The following STAB2 variants were observed in gnomAD, a reference collection of about 807,000 sequenced individuals.
STAB2 encodes the protein stabilin-2.
In STAB2, 288 loss-of-function variants were observed where a neutral mutation model predicts 338.1. The observed-to-expected ratio is 0.85, with a 90% CI of 0.77 to 0.94. The LOEUF (loss-of-function observed/expected upper bound fraction) is 0.94, where lower values mean the gene tolerates loss of function less well. STAB2 is among the 40% of genes least tolerant of loss of function. STAB2 has a pLI of 0.00. For missense variants in STAB2, 3,141 were observed against 3,210.1 expected (o/e 0.98, Z 0.52); for synonymous variants, 1,202 against 1,193.3 (o/e 1.01, Z -0.15).
intron 52 of STAB2, among the ~76,000 whole-genome samples, chr12:103,736,691 G>GA (rs1372315212): frequency 1.3e-5 from 2 of 151,862 alleles, no homozygotes; most frequent in East Asian, 1.9e-4. Flanking sequence ...TTTACCTGGT[G>GA]AAAAAAACAA....
intron 17 of STAB2, among the ~76,000 whole-genome samples, chr12:103,662,432 C>T (rs1462474633): frequency 1.3e-5 from 2 of 152,174 alleles, no homozygotes; most frequent in African/African-American, 4.8e-5. Flanking sequence ...AAGAACTCAT[C>T]TATTTGTTCA....
chr12:103,609,738 G>A (rs1043283014), intron 3 of STAB2, among the ~76,000 whole-genome samples: 9 of 152,080 alleles, frequency 5.9e-5, no homozygotes, highest in Non-Finnish European at 1.0e-4. Context: ...AATAGGAGTG[G>A]TGAGAGAGGA....
rs770648830 is a variant in STAB2 at position 103,708,532 on chromosome 12, C to A, written c.4284C>A (p.Asp1428Glu). 1.2e-6 allele frequency: 2 copies of A among 1,613,986 alleles called. No homozygotes were observed. The change falls in exon 39 of 69, where the codon GAC becomes GAA. Residue 1428 changes from aspartate (D) to glutamate (E), a missense_variant. Physicochemically the swap from Asp to Glu is conservative, Grantham distance 45 (BLOSUM62 2). Coordinates refer to ENST00000388887, the MANE Select transcript of STAB2 (RefSeq NM_017564.10). ...CDVGWRGVHC[D>E]NATTEDNCNG... ...TTGGCTGGCGAGGAGTGCATTGTGA[C>A]AATGGTAAGAGTGAGGCCTCCAGTA...
At chr12:103,626,937 C>G (rs763830456) in intron 5 of STAB2, among the ~76,000 whole-genome samples, 1 of 152,166 alleles carries the variant, frequency 6.6e-6, no homozygotes, top group East Asian at 1.9e-4. Context: ...GATTGCAAAG[C>G]CCGTTTTCTC....
At chr12:103,612,339 G>T (rs1185583185) in intron 3 of STAB2, among the ~76,000 whole-genome samples, 1 of 152,056 alleles carries the variant, frequency 6.6e-6, no homozygotes. Context: ...ACGTAGATTT[G>T]GTCTTTTCAC....
At chr12:103,598,288 T>G (rs564295360) in intron 3 of STAB2, among the ~76,000 whole-genome samples, 34 of 152,306 alleles carry the variant, frequency 2.2e-4, no homozygotes, top group African/African-American at 8.2e-4. Flanking sequence ...GGAGATAAAG[T>G]TACAGAGAAG....
At chr12:103,736,065 C>T (rs1251215886) in intron 52 of STAB2, among the ~76,000 whole-genome samples, 1 of 152,152 alleles carries the variant, frequency 6.6e-6, no homozygotes, top group East Asian at 1.9e-4. Context: ...ATTCTGTCTT[C>T]CTGTAATTCC....
At chr12:103,650,319 G>C (rs1163730829) in intron 10 of STAB2, among the ~76,000 whole-genome samples, 177 bp from the exon 11 acceptor site, 1 of 152,150 alleles carries the variant, frequency 6.6e-6, no homozygotes. Flanking sequence ...CATGGCTTTA[G>C]GGTGCCTTAC....
chr12:103,602,716 G>A (rs1460668579), intron 3 of STAB2, among the ~76,000 whole-genome samples: 1 of 151,964 alleles, frequency 6.6e-6, no homozygotes, highest in African/African-American at 2.4e-5. Context: ...ATTTTTTCAT[G>A]CGCTTATTTG....
At position 103,696,325 on chromosome 12, in the gene STAB2, A is replaced by G. The variant is rs889246678; in HGVS notation, c.3582+481A>G. Among the ~76,000 whole-genome samples, 7 of 152,008 alleles carry G rather than the reference A, an allele frequency of 4.6e-5. No homozygotes were observed. The South Asian group carries it at 8.3e-4, about 18-fold the overall frequency. On this transcript the variant is annotated intron_variant, in intron 33 of 68. Transcript: ENST00000388887. ...CCACCCCCATCTTATTAACATCCTC[A>G]TCTCAGCCACCCAATATAAACATGG...
At chr12:103,764,475 G>A (rs1268646680) in intron 68 of STAB2, among the ~76,000 whole-genome samples, 2 of 152,162 alleles carry the variant, frequency 1.3e-5, no homozygotes, top group African/African-American at 2.4e-5. Flanking sequence ...TCAATCCAGG[G>A]GGACCCCTTG....
At chr12:103,660,795 C>A in intron 17 of STAB2, 32 bp downstream of exon 17, 1 of 1,598,160 alleles carries the variant, frequency 6.3e-7, no homozygotes, top group Non-Finnish European at 8.6e-7. Flanking sequence ...ACCAGCATCA[C>A]TTGAACACAT....
intron 3 of STAB2, among the ~76,000 whole-genome samples, chr12:103,605,932 A>C (rs139900294): frequency 2.7e-4 from 41 of 152,188 alleles, no homozygotes; most frequent in African/African-American, 9.6e-4. Flanking sequence ...CTTTCAACTA[A>C]TATGACAGCC....
intron 3 of STAB2, among the ~76,000 whole-genome samples, chr12:103,599,218 A>G (rs1416004241): frequency 6.6e-6 from 1 of 152,242 alleles, no homozygotes; most frequent in Non-Finnish European, 1.5e-5. Flanking sequence ...GTTACAGAGA[A>G]GTCCCTGGTC....
chr12:103,699,442 G>A (rs1878677055), intron 34 of STAB2, among the ~76,000 whole-genome samples: 2 of 152,176 alleles, frequency 1.3e-5, no homozygotes, highest in Non-Finnish European at 2.9e-5. Flanking sequence ...CATAGTGGAA[G>A]GCAAGGAGGC....
At chr12:103,699,256 AATG>A in intron 34 of STAB2, 29 bp downstream of exon 34, 1 of 1,572,876 alleles carries the variant, frequency 6.4e-7, no homozygotes. Context: ...AAACCCCAGC[AATG>A]CCACCGAGAA....
In STAB2 at chr12:103,688,965, A is replaced by G. The variant is rs118054769; in HGVS notation, c.3045+750A>G. Among the ~76,000 whole-genome samples the G allele has an allele frequency of 9.2e-3, 1,389 of 151,548 alleles. 12 individuals are homozygous for G. The highest frequency in any genetic ancestry group is 0.038 in the Middle Eastern group (11 of 288). On this transcript the variant is annotated intron_variant, in intron 28 of 68. Transcript: ENST00000388887. ...TCTTGAAATCAGCCCTGGTGGGAGT[A>G]TTTACGCCATAGAAATCAGTAAATA...
rs869105400 is a variant in STAB2, at chr12:103,756,996, AATAT to A, written c.6988-1142_6988-1139del. Among the ~76,000 whole-genome samples, 47 of 56,348 alleles carry A rather than the reference AATAT, an allele frequency of 8.3e-4. 1 individual carries two copies. Among genetic ancestry groups the A allele is most frequent in the African/African-American group, 2.7e-3 (26 of 9,648 alleles). 37.0% of individuals were successfully genotyped at this position (56,348 alleles called of 152,430 possible). A position where few individuals can be genotyped will look rare whatever the true frequency, so the allele number is the denominator to read the frequency against. ...GCCTCAGTAGCCCAGAAGGAGGGAA[AATAT>A]ATATATATATATATATATATATATA... On this transcript the variant is annotated intron_variant, in intron 63 of 68. Coordinates refer to ENST00000388887, the MANE Select transcript of STAB2 (RefSeq NM_017564.10).
intron 49 of STAB2, 105 bp from the exon 50 acceptor site, chr12:103,731,471 T>C: frequency 8.9e-7 from 1 of 1,129,192 alleles, no homozygotes; most frequent in Non-Finnish European, 1.3e-6. Flanking sequence ...CATCTATGTA[T>C]CCGTCAGGTT....
Sources: gnomAD v4.1 joint callset for allele counts (sites outside exome capture counted in the v4.1 genomes callset) on GRCh38, gnomAD v4.1.1 for gene constraint, MANE v1.5 for transcripts, NCBI Gene and HGNC (gene_info 2026-07-23, HGNC 2026-07-21) for gene names.